Variants in CTNNA2 observed in about 807,000 individuals in gnomAD.
CTNNA2 encodes the protein catenin alpha-2.
Under a neutral mutation model 101.0 loss-of-function variants are expected in CTNNA2, and 42 were observed. The observed-to-expected ratio is 0.42, with a 90% CI of 0.32 to 0.54. CTNNA2 has a LOEUF of 0.54. Ranked by LOEUF, CTNNA2 falls within the 20% of genes least tolerant of loss-of-function variation. The pLI, the probability that CTNNA2 is intolerant of heterozygous loss-of-function variation, is 0.14. For synonymous variants in CTNNA2, 450 were observed against 456.4 expected (o/e 0.99, Z 0.18); for missense variants, 871 against 1,223.1 (o/e 0.71, Z 4.29).
chr2:80,129,057 A>G (rs754029615), intron 7 of CTNNA2, among the ~76,000 whole-genome samples: 5 of 152,224 alleles, frequency 3.3e-5, no homozygotes, highest in Non-Finnish European at 7.3e-5. Context: ...TCATGCCAAG[A>G]TATGATTCTA....
chr2:80,530,323 C>A (rs186599213), intron 9 of CTNNA2, among the ~76,000 whole-genome samples: 46 of 152,204 alleles, frequency 3.0e-4, no homozygotes, highest in Admixed American at 2.0e-3. Flanking sequence ...CAATTGCAGC[C>A]CTCAGTAGCA....
At chr2:79,821,833 A>G (rs748588478) in intron 3 of CTNNA2, among the ~76,000 whole-genome samples, 10 of 152,164 alleles carry the variant, frequency 6.6e-5, no homozygotes, top group Non-Finnish European at 1.3e-4. Flanking sequence ...TACCTACTAC[A>G]CTACATTAGA....
intron 7 of CTNNA2, among the ~76,000 whole-genome samples, chr2:80,370,887 G>A (rs1057498685): frequency 6.6e-5 from 10 of 152,114 alleles, no homozygotes; most frequent in Non-Finnish European, 1.5e-4. Context: ...GCTTCATAAA[G>A]AAATGAAGAC....
chr2:80,487,722 C>A (rs544055740), intron 9 of CTNNA2, among the ~76,000 whole-genome samples: 6 of 152,272 alleles, frequency 3.9e-5, no homozygotes, highest in Admixed American at 2.0e-4. Context: ...TTTATGTAAA[C>A]CTCTTTTGAC....
intron 7 of CTNNA2, among the ~76,000 whole-genome samples, chr2:80,254,977 A>G (rs377352220): frequency 6.6e-6 from 1 of 152,048 alleles, no homozygotes; most frequent in African/African-American, 2.4e-5. Flanking sequence ...TCTGCTATTC[A>G]TGCAGAAATT....
chr2:79,530,831 T>A (rs1450458835), intron 1 of CTNNA2, among the ~76,000 whole-genome samples: 1 of 151,448 alleles, frequency 6.6e-6, no homozygotes, highest in African/African-American at 2.4e-5. Context: ...AAGGTTCAGT[T>A]TAGTGTGCTT....
At chr2:79,485,039 C>T (rs6731800) in intron 4 of CTNNA2, among the ~76,000 whole-genome samples, 10,491 of 152,074 alleles carry the variant, frequency 0.069, 781 homozygotes, top group African/African-American at 0.18. Context: ...CCATAGATAG[C>T]CATCAGTTTC....
chr2:80,172,342 A>C (rs757977616), intron 7 of CTNNA2, among the ~76,000 whole-genome samples: 2 of 152,150 alleles, frequency 1.3e-5, no homozygotes, highest in African/African-American at 4.8e-5. Context: ...TTGTTTTGAG[A>C]CAGGCTATAC....
chr2:79,929,278 A>G (rs1687229143), intron 7 of CTNNA2, among the ~76,000 whole-genome samples: 1 of 152,222 alleles, frequency 6.6e-6, no homozygotes, highest in South Asian at 2.1e-4. Context: ...CAAAATTGCA[A>G]GATTCAAGGA....
At chr2:80,325,318 G>A (rs927061932) in intron 7 of CTNNA2, among the ~76,000 whole-genome samples, 3 of 152,118 alleles carry the variant, frequency 2.0e-5, no homozygotes, top group African/African-American at 7.2e-5. Flanking sequence ...AGGATGATGA[G>A]TTTCTTTCAG....
intron 3 of CTNNA2, among the ~76,000 whole-genome samples, chr2:79,331,293 A>T (rs1174184923): frequency 1.3e-5 from 2 of 152,098 alleles, no homozygotes; most frequent in Non-Finnish European, 2.9e-5. Flanking sequence ...TCTCTTGTGG[A>T]GTCCTCCATT....
chr2:79,720,236 T>G (rs905265178), intron 2 of CTNNA2, among the ~76,000 whole-genome samples: 2 of 152,186 alleles, frequency 1.3e-5, no homozygotes, highest in Non-Finnish European at 2.9e-5. Flanking sequence ...TTTTCTATTC[T>G]GTTCCATTGG....
At chr2:79,438,342 C>CAAA (rs1177402690) in intron 4 of CTNNA2, among the ~76,000 whole-genome samples, 2 of 152,166 alleles carry the variant, frequency 1.3e-5, no homozygotes, top group African/African-American at 4.8e-5. Flanking sequence ...CTGGAACGCA[C>CAAA]AAAGCCCTGT....
intron 2 of CTNNA2, among the ~76,000 whole-genome samples, chr2:79,218,067 C>A (rs1674289746): frequency 6.6e-6 from 1 of 152,186 alleles, no homozygotes; most frequent in Non-Finnish European, 1.5e-5. Flanking sequence ...CCCACAAAAG[C>A]CTCCCATGCT....
chr2:79,759,492 C>A (rs1011326471), intron 3 of CTNNA2, among the ~76,000 whole-genome samples: 1 of 152,298 alleles, frequency 6.6e-6, no homozygotes, highest in Admixed American at 6.5e-5. Flanking sequence ...CAAGCTTGCT[C>A]TGCTTTGAGT....
chr2:79,338,578 A>ACTTCT (rs1677053391), intron 3 of CTNNA2, among the ~76,000 whole-genome samples: 1 of 117,740 alleles, frequency 8.5e-6, no homozygotes, highest in African/African-American at 3.3e-5. Flanking sequence ...CCTCCTCATC[A>ACTTCT]TCTTCTTCTT....
chr2:79,241,413 A>C (rs1674623926), intron 2 of CTNNA2, among the ~76,000 whole-genome samples: 1 of 152,234 alleles, frequency 6.6e-6, no homozygotes, highest in South Asian at 2.1e-4. Flanking sequence ...TTCACTAGGC[A>C]GAATGCTGTC....
intron 2 of CTNNA2, among the ~76,000 whole-genome samples, chr2:79,238,897 G>A (rs755314383): frequency 7.3e-4 from 111 of 152,012 alleles, no homozygotes; most frequent in Non-Finnish European, 6.5e-4. Flanking sequence ...AAATAATGTG[G>A]GTAGAATTAA....
intron 7 of CTNNA2, among the ~76,000 whole-genome samples, chr2:80,080,365 G>T (rs1161055090): frequency 6.6e-6 from 1 of 152,130 alleles, no homozygotes; most frequent in Non-Finnish European, 1.5e-5. Context: ...CCAAGAAATA[G>T]ACCCACACAT....
Sources: gnomAD v4.1 joint callset for allele counts (sites outside exome capture counted in the v4.1 genomes callset) on GRCh38, gnomAD v4.1.1 for gene constraint, MANE v1.5 for transcripts, NCBI Gene and HGNC (gene_info 2026-07-23, HGNC 2026-07-21) for gene names.